ROBO1: variants seen among roughly 807,000 people sequenced by gnomAD.
The protein encoded by ROBO1 is roundabout guidance receptor 1.
ROBO1 carries 149 observed loss-of-function variants against 195.9 expected under a neutral mutation model. The observed-to-expected ratio is 0.76, with a 90% CI of 0.67 to 0.87. ROBO1 has a LOEUF of 0.87. Among genes scored for constraint, ROBO1 ranks in the 40% least tolerant of loss-of-function variants. ROBO1 has a pLI of 0.00. For missense variants in ROBO1, 1,933 were observed against 2,068.3 expected (o/e 0.93, Z 1.27); for synonymous variants, 816 against 733.2 (o/e 1.11, Z -1.82).
intron 4 of ROBO1, among the ~76,000 whole-genome samples, chr3:78,913,233 G>C (rs78562464): frequency 1.5e-4 from 23 of 152,198 alleles, no homozygotes; most frequent in African/African-American, 5.3e-4. Flanking sequence ...GTCACCAATA[G>C]TATGTAGAAT....
chr3:79,637,786 C>T, intron 1 of ROBO1, among the ~76,000 whole-genome samples: 1 of 152,066 alleles, frequency 6.6e-6, no homozygotes, highest in East Asian at 1.9e-4. Context: ...ATAGAGCTGT[C>T]TTTGAGTTAT....
At chr3:78,835,384 G>A (rs906664596) in intron 4 of ROBO1, among the ~76,000 whole-genome samples, 9 of 152,092 alleles carry the variant, frequency 5.9e-5, no homozygotes, top group Non-Finnish European at 2.9e-5. Context: ...TTTATAACTT[G>A]GCAGACAAGA....
At chr3:79,366,438 C>A (rs974007344) in intron 2 of ROBO1, among the ~76,000 whole-genome samples, 4 of 152,158 alleles carry the variant, frequency 2.6e-5, no homozygotes, top group African/African-American at 9.7e-5. Flanking sequence ...CTGTTTCCAG[C>A]CTCCTCTTTC....
At chr3:79,434,023 C>G (rs2038787999) in intron 2 of ROBO1, among the ~76,000 whole-genome samples, 1 of 152,166 alleles carries the variant, frequency 6.6e-6, no homozygotes, top group Non-Finnish European at 1.5e-5. Context: ...ATGTAGAAAG[C>G]TGAAACTGGA....
chr3:79,310,820 A>T (rs1576958014), intron 2 of ROBO1, among the ~76,000 whole-genome samples: 1 of 152,234 alleles, frequency 6.6e-6, no homozygotes, highest in Non-Finnish European at 1.5e-5. Context: ...GCTACATGAA[A>T]CAATAGTTGT....
intron 1 of ROBO1, among the ~76,000 whole-genome samples, chr3:79,749,609 G>A (rs1203806920): frequency 6.6e-6 from 1 of 152,166 alleles, no homozygotes; most frequent in African/African-American, 2.4e-5. Context: ...TCAGCCTAGG[G>A]ACTTGGTGCC....
At chr3:78,643,924 T>A (rs1706122679) in intron 21 of ROBO1, among the ~76,000 whole-genome samples, 1 of 152,082 alleles carries the variant, frequency 6.6e-6, no homozygotes, top group Non-Finnish European at 1.5e-5. Context: ...AATGCAGTAA[T>A]GGATACAGGA....
intron 2 of ROBO1, among the ~76,000 whole-genome samples, chr3:79,256,245 CTCT>C (rs2082831441): frequency 1.3e-5 from 2 of 152,120 alleles, no homozygotes. Context: ...TCTAAGTCTC[CTCT>C]TCTTTGGTTC....
chr3:79,039,240 A>G (rs1315151848), intron 3 of ROBO1, among the ~76,000 whole-genome samples: 6 of 152,188 alleles, frequency 3.9e-5, no homozygotes, highest in Admixed American at 3.3e-4. Context: ...GATTGGAGGT[A>G]CTTTATTTCT....
chr3:79,183,029 C>A (rs1158812503), intron 2 of ROBO1, among the ~76,000 whole-genome samples: 1 of 146,650 alleles, frequency 6.8e-6, no homozygotes. Flanking sequence ...TGCAGTGAGC[C>A]GAGATCGCGC....
chr3:79,625,422 T>TAAAAAAAAAAAAAAAAAAAAA (rs1945136215), intron 1 of ROBO1, among the ~76,000 whole-genome samples: 3 of 3,964 alleles, frequency 7.6e-4, no homozygotes, highest in Non-Finnish European at 1.3e-3. Context: ...CTGTTTTTTT[T>TAAAAAAAAAAAAAAAAAAAAA]GAAAAAAAAA....
At chr3:79,325,315 C>T (rs1157211311) in intron 2 of ROBO1, among the ~76,000 whole-genome samples, 1 of 152,144 alleles carries the variant, frequency 6.6e-6, no homozygotes, top group Non-Finnish European at 1.5e-5. Flanking sequence ...TGACCTCACA[C>T]AATATTCCTA....
chr3:79,721,899 T>G (rs1702718063), intron 1 of ROBO1, among the ~76,000 whole-genome samples: 1 of 152,184 alleles, frequency 6.6e-6, no homozygotes, highest in African/African-American at 2.4e-5. Flanking sequence ...CCAAAAAAGT[T>G]TATCAAGGTT....
chr3:78,935,446 C>T (rs1442375023), intron 4 of ROBO1, among the ~76,000 whole-genome samples: 2 of 151,968 alleles, frequency 1.3e-5, no homozygotes, highest in African/African-American at 4.8e-5. Context: ...TGTAATTATC[C>T]AAGATCAAAT....
chr3:78,936,072 T>A (rs1229285113), intron 4 of ROBO1, among the ~76,000 whole-genome samples: 1 of 151,976 alleles, frequency 6.6e-6, no homozygotes, highest in Non-Finnish European at 1.5e-5. Flanking sequence ...AAAATAAAAA[T>A]AAATAATCCC....
At chr3:78,648,934 C>A (rs1575839312) in intron 19 of ROBO1, among the ~76,000 whole-genome samples, 3 of 152,034 alleles carry the variant, frequency 2.0e-5, no homozygotes, top group East Asian at 3.9e-4. Context: ...CACTTTATCT[C>A]TGAGCATACT....
At chr3:78,792,766 T>C (rs776341785) in intron 4 of ROBO1, among the ~76,000 whole-genome samples, 2 of 152,284 alleles carry the variant, frequency 1.3e-5, no homozygotes, top group Non-Finnish European at 2.9e-5. Context: ...ATCCTTATAA[T>C]CACATTATAA....
chr3:79,565,562 A>G (rs1409771869), intron 2 of ROBO1, among the ~76,000 whole-genome samples: 2 of 151,994 alleles, frequency 1.3e-5, no homozygotes, highest in African/African-American at 4.8e-5. Context: ...CTCAGTCAAT[A>G]CATCTTGAAA....
intron 3 of ROBO1, among the ~76,000 whole-genome samples, chr3:79,107,361 G>T (rs534588830): frequency 6.6e-6 from 1 of 151,902 alleles, no homozygotes; most frequent in Non-Finnish European, 1.5e-5. Context: ...CTGATAAATT[G>T]TGTTAAAATT....
Sources: gnomAD v4.1 joint callset for allele counts (sites outside exome capture counted in the v4.1 genomes callset) on GRCh38, gnomAD v4.1.1 for gene constraint, MANE v1.5 for transcripts, NCBI Gene and HGNC (gene_info 2026-07-23, HGNC 2026-07-21) for gene names.